Variants in SWAP70 observed in about 807,000 individuals in gnomAD.
SWAP70 encodes switching B cell complex subunit SWAP70, also known as switch-associated protein 70.
SWAP70 carries 34 observed loss-of-function variants against 80.2 expected under a neutral mutation model. The ratio of observed to expected loss-of-function variants is 0.42; its 90% CI spans 0.32 to 0.56. The LOEUF is 0.56. Among genes scored for constraint, SWAP70 ranks in the 20% least tolerant of loss-of-function variants. The pLI is 0.09. For synonymous variants in SWAP70, 239 were observed against 238.5 expected (o/e 1.00, Z -0.02); for missense variants, 578 against 690.7 (o/e 0.84, Z 1.83).
chr11:9,723,198 G>A (rs1231895445), intron 3 of SWAP70, among the ~76,000 whole-genome samples: 1 of 152,172 alleles, frequency 6.6e-6, no homozygotes, highest in East Asian at 1.9e-4. Flanking sequence ...ATACCAACCA[G>A]GAGGCCCGAC....
intron 2 of SWAP70, among the ~76,000 whole-genome samples, chr11:9,711,536 GT>G (rs1590031961): frequency 6.6e-6 from 1 of 152,238 alleles, no homozygotes; most frequent in East Asian, 1.9e-4. Flanking sequence ...ATTTTTCCCT[GT>G]TCCTTGGCAG....
At chr11:9,736,955 G>A (rs1851371000) in intron 7 of SWAP70, among the ~76,000 whole-genome samples, 1 of 152,210 alleles carries the variant, frequency 6.6e-6, no homozygotes, top group South Asian at 2.1e-4. Flanking sequence ...GCTCACACCT[G>A]TTAATCACTT....
chr11:9,725,550 TATATATATA>T (rs1564829421), intron 4 of SWAP70, among the ~76,000 whole-genome samples: 22 of 10,892 alleles, frequency 2.0e-3, no homozygotes, highest in African/African-American at 5.8e-3. Context: ...TATATATATA[TATATATATA>T]TATATATATA....
intron 7 of SWAP70, among the ~76,000 whole-genome samples, chr11:9,735,168 C>T (rs1041284258): frequency 6.6e-6 from 1 of 152,054 alleles, no homozygotes; most frequent in South Asian, 2.1e-4. Context: ...TCTCCCCCTC[C>T]CCCACTTATG....
chr11:9,681,670 T>C (rs1305177315), intron 1 of SWAP70, among the ~76,000 whole-genome samples: 1 of 152,120 alleles, frequency 6.6e-6, no homozygotes, highest in African/African-American at 2.4e-5. Flanking sequence ...CTTGTAGAGC[T>C]TAAAATCTTG....
At chr11:9,725,559 A>G (rs1481523556) in intron 4 of SWAP70, among the ~76,000 whole-genome samples, 88 of 11,828 alleles carry the variant, frequency 7.4e-3, no homozygotes, top group African/African-American at 0.028. Context: ...ATATATATAT[A>G]TATATATATA....
Position 9,664,235 on chromosome 11 carries a change from T to G in SWAP70, c.56T>G (p.Leu19Arg), listed in dbSNP as rs1178514404. Reference protein sequence around the residue: ...LKAIWHAFTALDQDHSGKVSK... With the variant: ...LKAIWHAFTARDQDHSGKVSK... ...GCCATCTGGCACGCCTTCACCGCAC[T>G]CGACCAGGACCACAGCGGCAAGGTC... is the stretch of plus-strand genomic sequence containing the variant. Residue 19 changes from leucine (L) to arginine (R), a missense_variant, in exon 1 of 12, where the codon CTC (leucine) becomes CGC (arginine). Transcript: ENST00000318950. 1 of 1,595,158 alleles carries G rather than the reference T, an allele frequency of 6.3e-7. No homozygotes were observed. The highest frequency in any genetic ancestry group is 8.5e-7 in the Non-Finnish European group (1 of 1,171,560).
intron 3 of SWAP70, among the ~76,000 whole-genome samples, chr11:9,722,598 G>A (rs1279228839): frequency 2.0e-5 from 3 of 152,324 alleles, no homozygotes; most frequent in Admixed American, 6.5e-5. Flanking sequence ...TGGTCCGCAT[G>A]CTTCGTTTTG....
At chr11:9,728,260 C>T (rs1851252483) in intron 5 of SWAP70, 61 bp downstream of exon 5, 1 of 1,436,892 alleles carries the variant, frequency 7.0e-7, no homozygotes, top group South Asian at 1.5e-5. Flanking sequence ...GCTGAAGTAG[C>T]TTCTCACCTT....
At chr11:9,720,289 A>G (rs1851118302) in intron 3 of SWAP70, 1 of 985,322 alleles carries the variant, frequency 1.0e-6, no homozygotes, top group Non-Finnish European at 1.2e-6. Flanking sequence ...TGCTGAGCAG[A>G]TCGAAGCTGG....
At position 9,694,127 on chromosome 11, in the gene SWAP70, A is replaced by G; in HGVS notation, c.100-19A>G. 1 of 1,577,212 alleles carries G rather than the reference A, an allele frequency of 6.3e-7. No homozygotes were observed. The highest frequency in any genetic ancestry group is 8.6e-7 in the Non-Finnish European group (1 of 1,162,732). On this transcript the variant is annotated intron_variant, in intron 1 of 11. Coordinates refer to ENST00000318950, the MANE Select transcript of SWAP70 (RefSeq NM_015055.4). ...GCTGGTTAGTGGGAGTCTTTAAACG[A>G]TTTTCTTTTCCCTTGCAGGTCCTTT... is the stretch of plus-strand genomic sequence containing the variant.
At chr11:9,669,058 A>G (rs1360668309) in intron 1 of SWAP70, among the ~76,000 whole-genome samples, 1 of 152,214 alleles carries the variant, frequency 6.6e-6, no homozygotes, top group East Asian at 1.9e-4. Context: ...AAGGTAACAA[A>G]CAGAAATATT....
At chr11:9,745,644 C>G (rs1423051812) in intron 9 of SWAP70, among the ~76,000 whole-genome samples, 1 of 152,200 alleles carries the variant, frequency 6.6e-6, no homozygotes, top group African/African-American at 2.4e-5. Context: ...GAGCTGTTAC[C>G]TACCAGTACT....
At chr11:9,746,369 A>T (rs1851512558) in intron 9 of SWAP70, among the ~76,000 whole-genome samples, 1 of 152,090 alleles carries the variant, frequency 6.6e-6, no homozygotes, top group Admixed American at 6.6e-5. Context: ...TACTTTTACC[A>T]CTAGAATGAA....
chr11:9,695,289 C>T (rs1289740174), intron 2 of SWAP70, among the ~76,000 whole-genome samples: 3 of 150,018 alleles, frequency 2.0e-5, no homozygotes, highest in South Asian at 4.2e-4. Context: ...AGCGAAAATC[C>T]GTGTCAGAAA....
chr11:9,740,193 A>G lies in SWAP70; in HGVS notation c.1201A>G (p.Met401Val). ...TTTATACCAACAGATCAGACAGCAGATGGAAGAACAGGTTGCTCAAAAGTC... is the reference window on the plus strand; with the variant it reads ...TTTATACCAACAGATCAGACAGCAGGTGGAAGAACAGGTTGCTCAAAAGTC... ...LEREKLIRQQ[M>V]EEQVAQKSSE... Residue 401 changes from methionine (M) to valine (V), a missense_variant, in exon 9 of 12, where the codon ATG becomes GTG. Coordinates refer to ENST00000318950, the MANE Select transcript of SWAP70 (RefSeq NM_015055.4). The G allele has an allele frequency of 6.2e-7, 1 of 1,614,078 alleles. No individual in the cohort carries two copies. The highest frequency in any genetic ancestry group is 1.1e-5 in the South Asian group (1 of 91,074).
At chr11:9,738,883 T>G (rs1177240348) in intron 8 of SWAP70, among the ~76,000 whole-genome samples, 1 of 151,790 alleles carries the variant, frequency 6.6e-6, no homozygotes, top group Admixed American at 6.6e-5. Flanking sequence ...AAAAAGAAAT[T>G]TGTGGAATGA....
chr11:9,703,478 C>T (rs1044722608), intron 2 of SWAP70: 14 of 456,110 alleles, frequency 3.1e-5, no homozygotes, highest in African/African-American at 1.6e-4. Context: ...TCAAATGCAG[C>T]GAATTTTTGT....
Position 9,724,771 on chromosome 11 carries a change from G to A in SWAP70, c.528G>A (p.Trp176Ter). 6.2e-7 allele frequency: 1 copy of A among 1,614,056 alleles called. No individual in the cohort carries two copies. The highest frequency in any genetic ancestry group is 1.3e-5 in the African/African-American group (1 of 75,042). ...FDDSKNGLSAWELIELIGNGQ... is the reference protein window; with the variant it reads ...FDDSKNGLSA ...ACAGTAAAAATGGCCTTTCTGCATG[G>A]GAACTTATTGAGCTTATTGGAAATG... Residue 176 changes from tryptophan (W) to a stop codon, truncating the protein, a stop_gained, in exon 4 of 12, where the codon TGG (tryptophan) becomes TGA (stop). Coordinates refer to ENST00000318950, the MANE Select transcript of SWAP70 (RefSeq NM_015055.4). LOFTEE classifies it high-confidence loss of function.
Sources: allele counts gnomAD v4.1 joint callset (sites outside exome capture counted in the v4.1 genomes callset), GRCh38; gene constraint gnomAD v4.1.1; transcripts MANE v1.5; gene names NCBI Gene and HGNC (gene_info 2026-07-23, HGNC 2026-07-21).